The following CEP112 variants were observed in gnomAD, a reference collection of about 807,000 sequenced individuals.
CEP112 encodes centrosomal protein 112.
In CEP112, 127 loss-of-function variants were observed where a neutral mutation model predicts 153.0. The observed-to-expected ratio is 0.83, with a 90% CI of 0.72 to 0.96. CEP112 has a LOEUF of 0.96. CEP112 is among the 40% of genes least tolerant of loss of function. The pLI is 0.00. For synonymous variants in CEP112, 358 were observed against 374.4 expected (o/e 0.96, Z 0.51); for missense variants, 1,089 against 1,101.2 (o/e 0.99, Z 0.16).
At chr17:65,818,066 C>T (rs2056361260) in intron 21 of CEP112, among the ~76,000 whole-genome samples, 1 of 151,780 alleles carries the variant, frequency 6.6e-6, no homozygotes, top group Non-Finnish European at 1.5e-5. Flanking sequence ...GCCCAGTTTA[C>T]ACTGTCATTA....
At chr17:66,079,141 C>T (rs1361645834) in intron 8 of CEP112, among the ~76,000 whole-genome samples, 1 of 151,966 alleles carries the variant, frequency 6.6e-6, no homozygotes, top group Non-Finnish European at 1.5e-5. Flanking sequence ...GGCAAGGCTG[C>T]TAAGAAAAAG....
intron 21 of CEP112, among the ~76,000 whole-genome samples, chr17:65,822,520 A>T (rs926375772): frequency 1.3e-5 from 2 of 152,098 alleles, no homozygotes; most frequent in Non-Finnish European, 2.9e-5. Flanking sequence ...ATTACTTTTT[A>T]TTGTTATATT....
chr17:66,166,222 C>A (rs941530664), intron 4 of CEP112, among the ~76,000 whole-genome samples: 8 of 152,148 alleles, frequency 5.3e-5, no homozygotes, highest in Non-Finnish European at 8.8e-5. Flanking sequence ...TAAATGCCTT[C>A]TTTTTCATCA....
At position 65,854,954 on chromosome 17, in the gene CEP112, T is replaced by C. The variant is rs146143476; in HGVS notation, c.2164-2920A>G. Reference sequence around the variant, plus strand: ...GTTATGTGTTTGGGAGGCAGAACATTCTTTTTTTAAAAAAAAGCTCAGGGA... The same window carrying C: ...GTTATGTGTTTGGGAGGCAGAACATCCTTTTTTTAAAAAAAAGCTCAGGGA... On this transcript the variant is annotated intron_variant, in intron 20 of 26. Coordinates refer to ENST00000535342, the MANE Select transcript of CEP112 (RefSeq NM_001199165.4). Among the ~76,000 whole-genome samples, 108 of 152,228 alleles carry C rather than the reference T, an allele frequency of 7.1e-4. No individual in the cohort carries two copies. In the East Asian group the frequency reaches 0.016, roughly 22 times the overall value.
intron 24 of CEP112, among the ~76,000 whole-genome samples, chr17:65,663,267 A>G (rs1037567534): frequency 6.6e-6 from 1 of 152,232 alleles, no homozygotes; most frequent in African/African-American, 2.4e-5. Context: ...ATCTTCTGTG[A>G]TCTTTGTCAT....
chr17:65,742,947 A>C, intron 23 of CEP112, 121 bp downstream of exon 23: 1 of 695,702 alleles, frequency 1.4e-6, no homozygotes. Context: ...GAATGGAATT[A>C]CTGCAGGCTG....
chr17:65,712,451 T>G (rs1183736134), intron 23 of CEP112, among the ~76,000 whole-genome samples: 1 of 151,478 alleles, frequency 6.6e-6, no homozygotes, highest in African/African-American at 2.5e-5. Flanking sequence ...ACGGCTAACA[T>G]TGCTTATATC....
Position 66,129,839 on chromosome 17 carries a change from GA to G in CEP112, c.565-17del, listed in dbSNP as rs1161428138. 1.6e-5 allele frequency: 24 copies of G among 1,516,406 alleles called. No individual in the cohort carries two copies. Among genetic ancestry groups the G allele is most frequent in the East Asian group, 4.5e-5 (2 of 43,974 alleles). The allele number at this position is 1,516,406 out of a possible 1,614,324, so 93.9% of individuals were successfully genotyped here. On this transcript the variant is annotated splice_polypyrimidine_tract_variant and intron_variant, in intron 5 of 26. Transcript: ENST00000535342. ...AATAAACTTCCTGAAATACAAAAGG[GA>G]AAAAGGAAGAGGAGAGGAAGGAAAG...
chr17:65,651,554 C>G (rs906853530), intron 24 of CEP112, among the ~76,000 whole-genome samples: 1 of 152,236 alleles, frequency 6.6e-6, no homozygotes, highest in African/African-American at 2.4e-5. Flanking sequence ...ACATTCCCAA[C>G]AGCAGTGCAG....
At chr17:65,996,620 G>T (rs2063802433) in intron 17 of CEP112, among the ~76,000 whole-genome samples, 2 of 152,168 alleles carry the variant, frequency 1.3e-5, no homozygotes, top group Admixed American at 6.5e-5. Context: ...CTCTTACATG[G>T]ACTATTATGA....
At chr17:65,774,739 T>A (rs1464753242) in intron 21 of CEP112, among the ~76,000 whole-genome samples, 1 of 152,134 alleles carries the variant, frequency 6.6e-6, no homozygotes, top group Non-Finnish European at 1.5e-5. Context: ...GGGGAGTGAC[T>A]GAGGCCTGAG....
intron 10 of CEP112, among the ~76,000 whole-genome samples, chr17:66,064,857 T>C (rs2067054597): frequency 6.6e-6 from 1 of 152,200 alleles, no homozygotes; most frequent in Admixed American, 6.5e-5. Flanking sequence ...ACTGGTAATA[T>C]TTGGAGAAAA....
chr17:66,060,076 G>A (rs1007051541), intron 11 of CEP112, among the ~76,000 whole-genome samples: 8 of 152,058 alleles, frequency 5.3e-5, no homozygotes, highest in Non-Finnish European at 4.4e-5. Context: ...ACTTACAAGT[G>A]GGAGCTAAAC....
chr17:66,053,977 T>A, intron 11 of CEP112, 98 bp from the exon 12 acceptor site: 1 of 883,728 alleles, frequency 1.1e-6, no homozygotes, highest in Non-Finnish European at 1.7e-6. Flanking sequence ...TCTATTTATA[T>A]ATATGATGAC....
intron 18 of CEP112, among the ~76,000 whole-genome samples, chr17:65,934,893 G>A (rs1008804671): frequency 2.0e-5 from 3 of 152,176 alleles, no homozygotes; most frequent in Non-Finnish European, 1.5e-5. Flanking sequence ...ATGGTAGATG[G>A]CAAAGGGGAA....
chr17:65,874,827 A>G (rs1454829547), intron 20 of CEP112, among the ~76,000 whole-genome samples: 4 of 152,068 alleles, frequency 2.6e-5, no homozygotes, highest in African/African-American at 7.2e-5. Context: ...AGGATTATCT[A>G]ATGTATTCTC....
intron 23 of CEP112, among the ~76,000 whole-genome samples, chr17:65,734,970 T>C (rs1367499222): frequency 2.0e-5 from 3 of 152,184 alleles, no homozygotes; most frequent in Non-Finnish European, 4.4e-5. Context: ...CATCAGGTGT[T>C]TGTCATTTGG....
At chr17:65,837,489 G>A (rs1008517650) in intron 21 of CEP112, among the ~76,000 whole-genome samples, 23 of 151,764 alleles carry the variant, frequency 1.5e-4, no homozygotes, top group East Asian at 5.8e-4. Flanking sequence ...TCTCTGCCCC[G>A]CTGCCACCCC....
At chr17:66,155,539 G>A (rs530739768) in intron 4 of CEP112, among the ~76,000 whole-genome samples, 56 of 151,740 alleles carry the variant, frequency 3.7e-4, no homozygotes, top group Middle Eastern at 3.4e-3. Context: ...GAATGCCAGC[G>A]AGACAGAACC....
Sources: allele counts gnomAD v4.1 joint callset (sites outside exome capture counted in the v4.1 genomes callset), GRCh38; gene constraint gnomAD v4.1.1; transcripts MANE v1.5; gene names NCBI Gene and HGNC (gene_info 2026-07-23, HGNC 2026-07-21).